Variants in CRACR2A observed in about 807,000 individuals in gnomAD.
The protein encoded by CRACR2A is calcium release activated channel regulator 2A, also known as EF-hand calcium-binding domain-containing protein 4B.
A neutral mutation model predicts 90.5 loss-of-function variants in CRACR2A; 79 were observed. The observed-to-expected ratio is 0.87, with a 90% CI of 0.73 to 1.05. CRACR2A has a LOEUF of 1.05. CRACR2A is among the 50% of genes least tolerant of loss of function. The pLI is 0.00. For missense variants in CRACR2A, 823 were observed against 897.2 expected (o/e 0.92, Z 1.06); for synonymous variants, 338 against 356.7 (o/e 0.95, Z 0.59).
At chr12:3,692,620 G>C (rs1306171914) in intron 4 of CRACR2A, among the ~76,000 whole-genome samples, 1 of 152,172 alleles carries the variant, frequency 6.6e-6, no homozygotes, top group African/African-American at 2.4e-5. Context: ...AGTGGGATCT[G>C]TCCTTCTTTG....
chr12:3,720,633 G>A (rs1449190395), intron 2 of CRACR2A, among the ~76,000 whole-genome samples: 3 of 152,134 alleles, frequency 2.0e-5, no homozygotes, highest in African/African-American at 4.8e-5. Context: ...GACCTGTGGC[G>A]TGCTGAGTGA....
intron 3 of CRACR2A, among the ~76,000 whole-genome samples, chr12:3,707,617 C>T (rs529309632): frequency 2.2e-4 from 33 of 152,272 alleles, no homozygotes; most frequent in African/African-American, 6.7e-4. Flanking sequence ...TATTTCAAGG[C>T]GTCTGGTATA....
chr12:3,679,512 C>T (rs1389762226), intron 5 of CRACR2A, among the ~76,000 whole-genome samples: 2 of 152,220 alleles, frequency 1.3e-5, no homozygotes, highest in Non-Finnish European at 2.9e-5. Context: ...CTAGACTTCA[C>T]ATCTACAAGC....
chr12:3,640,735 G>A, intron 13 of CRACR2A: 1 of 1,305,330 alleles, frequency 7.7e-7, no homozygotes, highest in Non-Finnish European at 1.0e-6. Context: ...GTCTCTCTGG[G>A]TCTGATACTG....
intron 12 of CRACR2A, among the ~76,000 whole-genome samples, 197 bp downstream of exon 12, chr12:3,644,398 C>T (rs933656287): frequency 1.3e-4 from 20 of 152,132 alleles, no homozygotes; most frequent in African/African-American, 4.8e-4. Context: ...AACTGCATTA[C>T]TCTGTGGAAA....
intron 2 of CRACR2A, among the ~76,000 whole-genome samples, chr12:3,718,007 C>T (rs1204571622): frequency 6.6e-6 from 1 of 152,112 alleles, no homozygotes; most frequent in African/African-American, 2.4e-5. Flanking sequence ...GGTTCAAGTC[C>T]CAGCTCTGCC....
chr12:3,694,405 G>A (rs1945703084), intron 4 of CRACR2A, among the ~76,000 whole-genome samples: 1 of 152,170 alleles, frequency 6.6e-6, no homozygotes, highest in East Asian at 1.9e-4. Context: ...CCTGCTTTCT[G>A]AATTTGTGTG....
chr12:3,715,635 G>A (rs1946072523), intron 2 of CRACR2A, among the ~76,000 whole-genome samples: 2 of 152,092 alleles, frequency 1.3e-5, no homozygotes, highest in South Asian at 4.1e-4. Context: ...TGAAAGTAAA[G>A]GTTAAACCAG....
At chr12:3,734,254 G>A (rs1455431977) in intron 1 of CRACR2A, among the ~76,000 whole-genome samples, 2 of 147,416 alleles carry the variant, frequency 1.4e-5, no homozygotes, top group Non-Finnish European at 3.0e-5. Context: ...TGGGATTACA[G>A]GTATGAGCCA....
intron 17 of CRACR2A, among the ~76,000 whole-genome samples, chr12:3,624,851 C>A (rs548613010): frequency 6.6e-6 from 1 of 152,336 alleles, no homozygotes; most frequent in South Asian, 2.1e-4. Context: ...CCAGGAGAGT[C>A]CTATATATGT....
intron 2 of CRACR2A, among the ~76,000 whole-genome samples, chr12:3,720,182 CGGGAGGGAGG>C (rs1946135253): frequency 2.2e-5 from 1 of 45,936 alleles, no homozygotes; most frequent in Non-Finnish European, 3.8e-5. Context: ...GAAGGGAGGG[CGGGAGGGAGG>C]GGGAGGGAGG....
Position 3,746,622 on chromosome 12 carries a change from C to T in CRACR2A, c.-387+6393G>A, listed in dbSNP as rs1946631329. Among the ~76,000 whole-genome samples, 1 of 152,238 alleles carries T rather than the reference C, an allele frequency of 6.6e-6. No individual in the cohort carries two copies. The highest frequency in any genetic ancestry group is 1.5e-5 in the Non-Finnish European group (1 of 68,036). ...CTGTCTGCCAGAACAAAGACATCCC[C>T]TCAAAGGGAGTATGCATGCCTACTA... On this transcript the variant is annotated intron_variant, in intron 1 of 19. Coordinates refer to ENST00000440314, the MANE Select transcript of CRACR2A (RefSeq NM_001144958.2). The surrounding 1 kb of genome is among the most constrained non-coding windows in gnomAD (Gnocchi z 4.4).
intron 1 of CRACR2A, among the ~76,000 whole-genome samples, chr12:3,742,854 TTC>T (rs1401504761): frequency 2.0e-5 from 3 of 152,240 alleles, no homozygotes; most frequent in Non-Finnish European, 4.4e-5. Context: ...AGCACATTCA[TTC>T]TGTCCCATCT....
chr12:3,618,650 C>T (rs1867744917), intron 18 of CRACR2A, among the ~76,000 whole-genome samples: 1 of 152,154 alleles, frequency 6.6e-6, no homozygotes, highest in South Asian at 2.1e-4. Context: ...CTGGTAAGCA[C>T]CCCAACCTCC....
At chr12:3,685,754 C>T (rs137923823) in intron 4 of CRACR2A, among the ~76,000 whole-genome samples, 70 of 152,240 alleles carry the variant, frequency 4.6e-4, no homozygotes, top group African/African-American at 1.5e-3. Flanking sequence ...CATTGTTTTA[C>T]GGGTACAGAG....
intron 7 of CRACR2A, among the ~76,000 whole-genome samples, chr12:3,668,724 C>T (rs1157352619): frequency 6.6e-6 from 1 of 152,174 alleles, no homozygotes; most frequent in Non-Finnish European, 1.5e-5. Context: ...GCTGGGGCTG[C>T]CTGTCAGTCT....
At chr12:3,724,829 C>A (rs774649715) in intron 2 of CRACR2A, among the ~76,000 whole-genome samples, 1 of 152,194 alleles carries the variant, frequency 6.6e-6, no homozygotes, top group Non-Finnish European at 1.5e-5. Context: ...GTTCAGACAT[C>A]CGACCTCACC....
rs1201527874 is a variant in CRACR2A, at chr12:3,665,496, T to C, written c.672-5842A>G. 2.0e-5 allele frequency among the ~76,000 whole-genome samples: 3 copies of C among 152,190 alleles called. No homozygotes were observed. In the East Asian group the frequency reaches 5.8e-4, roughly 29 times the overall value. On this transcript the variant is annotated intron_variant, in intron 7 of 19. Coordinates refer to ENST00000440314, the MANE Select transcript of CRACR2A (RefSeq NM_001144958.2). ...TGGTAATACCTACTTCAGATAGAAG[T>C]TGTGAAGATTAAAAAAGATAATGCA... is the stretch of plus-strand genomic sequence containing the variant.
intron 3 of CRACR2A, among the ~76,000 whole-genome samples, chr12:3,710,176 T>C (rs544593943): frequency 1.4e-4 from 22 of 152,332 alleles, no homozygotes; most frequent in Admixed American, 4.6e-4. Context: ...CTCCCTCTTC[T>C]CCTACCACGT....
Sources: gnomAD v4.1 joint callset for allele counts (sites outside exome capture counted in the v4.1 genomes callset) on GRCh38, gnomAD v4.1.1 for gene constraint, Gnocchi (gnomAD v3.1) non-coding constraint, MANE v1.5 for transcripts, NCBI Gene and HGNC (gene_info 2026-07-23, HGNC 2026-07-21) for gene names.